The following SLC35A5 variants were observed in gnomAD, a reference collection of about 807,000 sequenced individuals.
SLC35A5 encodes UDP-sugar transporter protein SLC35A5.
SLC35A5 carries 28 observed loss-of-function variants against 36.3 expected under a neutral mutation model. That is an observed-to-expected ratio of 0.77 (90% confidence interval 0.57 to 1.06). SLC35A5 has a LOEUF of 1.06. SLC35A5 is among the 50% of genes least tolerant of loss of function. The pLI, the probability that SLC35A5 is intolerant of heterozygous loss-of-function variation, is 0.00. For missense variants in SLC35A5, 521 were observed against 499.3 expected (o/e 1.04, Z -0.41); for synonymous variants, 180 against 173.7 (o/e 1.04, Z -0.29).
chr3:112,563,539 T>A lies in SLC35A5; in HGVS notation c.130+6T>A. 1.9e-6 allele frequency: 3 copies of A among 1,596,354 alleles called. No individual in the cohort carries two copies. Among genetic ancestry groups the A allele is most frequent in the South Asian group, 1.1e-5 (1 of 89,638 alleles). ...GAAGTATTCTGCCAATGAAGGTAAG[T>A]TAAGACTTGGTATATGCATGGAGCA... On this transcript the variant is annotated splice_donor_region_variant and intron_variant, in intron 2 of 6. Coordinates refer to ENST00000492406, the MANE Select transcript of SLC35A5 (RefSeq NM_017945.5).
rs1226828246 is a variant in SLC35A5 at position 112,585,282 on chromosome 3, A to G, written c.*2546A>G. On this transcript the variant is annotated 3_prime_UTR_variant, in exon 7 of 7. Transcript: ENST00000492406. The stretch of plus-strand genomic sequence containing the variant: ...GAGAACTTACTATCATGAGAACAGC[A>G]TGGGGGAAACTGCCCCCATGATTCA... The G allele has an allele frequency of 6.6e-6, 1 of 152,132 alleles. No homozygotes were observed. Among genetic ancestry groups the G allele is most frequent in the African/African-American group, 2.4e-5 (1 of 41,440 alleles). 9.4% of individuals were successfully genotyped at this position (152,132 alleles called of 1,614,324 possible).
At chr3:112,567,775 G>T (rs576046970) in intron 2 of SLC35A5, among the ~76,000 whole-genome samples, 1 of 152,316 alleles carries the variant, frequency 6.6e-6, no homozygotes, top group East Asian at 1.9e-4. Context: ...GATCGGCCGT[G>T]AAAGGACTGC....
intron 2 of SLC35A5, among the ~76,000 whole-genome samples, chr3:112,564,581 G>A (rs1402215253): frequency 6.6e-6 from 1 of 152,094 alleles, no homozygotes; most frequent in East Asian, 1.9e-4. Context: ...CAACTGCAAA[G>A]AGGCGTTCCT....
chr3:112,564,564 C>A (rs1934104854), intron 2 of SLC35A5, among the ~76,000 whole-genome samples: 1 of 152,154 alleles, frequency 6.6e-6, no homozygotes, highest in Admixed American at 6.5e-5. Flanking sequence ...ATGCCTTCCT[C>A]TTGTCTCAAC....
chr3:112,569,411 A>G, intron 3 of SLC35A5, 142 bp downstream of exon 3: 1 of 665,806 alleles, frequency 1.5e-6, no homozygotes, highest in Middle Eastern at 3.9e-4. Context: ...TATGTTTTAG[A>G]GGTGGAGAAA....
intron 3 of SLC35A5, 94 bp downstream of exon 3, chr3:112,569,363 T>C: frequency 1.1e-6 from 1 of 912,704 alleles, no homozygotes; most frequent in Non-Finnish European, 1.7e-6. Flanking sequence ...GCTTAGTCCA[T>C]TAAATTTTAT....
chr3:112,578,768 G>A (rs998036), intron 5 of SLC35A5, among the ~76,000 whole-genome samples: 24,347 of 152,034 alleles, frequency 0.16, 4,593 homozygotes, highest in African/African-American at 0.45. Flanking sequence ...AGTGAAAAAT[G>A]TATAGCTCTA....
intron 2 of SLC35A5, among the ~76,000 whole-genome samples, chr3:112,565,382 A>C (rs1474849420): frequency 1.3e-5 from 2 of 152,214 alleles, no homozygotes; most frequent in African/African-American, 4.8e-5. Context: ...AAGGTGAACA[A>C]GGGGATTCAA....
chr3:112,576,019 C>T (rs1227856276), intron 5 of SLC35A5, among the ~76,000 whole-genome samples: 1 of 152,060 alleles, frequency 6.6e-6, no homozygotes. Context: ...CTTGGCCTCC[C>T]AAAGTGCTGG....
upstream of SLC35A5, chr3:112,561,323 A>G (rs888365882): frequency 7.9e-6 from 7 of 888,152 alleles, no homozygotes; most frequent in African/African-American, 1.7e-5. Flanking sequence ...GGGGCTGCAC[A>G]CTTCCCTGTG....
At chr3:112,562,314 A>C (rs1553740399) in intron 1 of SLC35A5, 41 bp downstream of exon 1, 1 of 152,444 alleles carries the variant, frequency 6.6e-6, no homozygotes, top group Non-Finnish European at 1.5e-5. Context: ...CCTGCGTCTG[A>C]GGGGAGGGTG....
upstream of SLC35A5, chr3:112,561,690 AG>A: frequency 1.5e-6 from 1 of 675,020 alleles, no homozygotes; most frequent in Non-Finnish European, 2.4e-6. Flanking sequence ...GGGCGGGACG[AG>A]GGGGCGGGGC....
rs1369386955 is a variant in SLC35A5 at position 112,581,449 on chromosome 3, A to T, written c.1209+123A>T. 7.1e-6 allele frequency: 7 copies of T among 983,840 alleles called. No homozygotes were observed. In the Admixed American group the frequency reaches 2.0e-4, roughly 29 times the overall value. 60.9% of individuals were successfully genotyped at this position (983,840 alleles called of 1,614,324 possible). On this transcript the variant is annotated intron_variant, in intron 6 of 6. Transcript: ENST00000492406. ...AATGTATTGGATCTCTGACTTTTAA[A>T]ACCGAATCAACAAACATTCCTTTTA... is the stretch of plus-strand genomic sequence containing the variant.
At chr3:112,574,107 A>AGT in intron 5 of SLC35A5, 151 bp downstream of exon 5, 1 of 583,662 alleles carries the variant, frequency 1.7e-6, no homozygotes, top group Non-Finnish European at 3.0e-6. Flanking sequence ...TAAGCCATGT[A>AGT]GAAAGCAGCT....
intron 5 of SLC35A5, among the ~76,000 whole-genome samples, chr3:112,579,897 T>C (rs1435113792): frequency 2.0e-5 from 3 of 152,240 alleles, no homozygotes; most frequent in Non-Finnish European, 4.4e-5. Context: ...ACATGTCCTT[T>C]ATTTCTCACA....
intron 2 of SLC35A5, among the ~76,000 whole-genome samples, chr3:112,564,613 C>T (rs989769092): frequency 1.3e-5 from 2 of 152,192 alleles, no homozygotes; most frequent in African/African-American, 4.8e-5. Context: ...TAATCCTCCT[C>T]AGCACAGACC....
chr3:112,561,323 A>C (rs888365882), upstream of SLC35A5: 2 of 888,270 alleles, frequency 2.3e-6, no homozygotes, highest in Admixed American at 2.1e-5. Flanking sequence ...GGGGCTGCAC[A>C]CTTCCCTGTG....
rs888927530 is a variant in SLC35A5, at chr3:112,582,921, A to C, written c.*185A>C. 3 of 536,834 alleles carry C rather than the reference A, an allele frequency of 5.6e-6. No homozygotes were observed. The highest frequency in any genetic ancestry group is 1.9e-5 in the African/African-American group (1 of 52,132). The allele number at this position is 536,834 out of a possible 1,614,324, so 33.3% of individuals were successfully genotyped here. ...GAGTACCCAAAGGCTAAGAAATTCT[A>C]AAGAACTGATACAGGAGTAACAATA... On this transcript the variant is annotated 3_prime_UTR_variant, in exon 7 of 7. Coordinates refer to ENST00000492406, the MANE Select transcript of SLC35A5 (RefSeq NM_017945.5).
chr3:112,573,715 G>A (rs1351586367), intron 4 of SLC35A5, among the ~76,000 whole-genome samples, 174 bp from the exon 5 acceptor site: 1 of 152,170 alleles, frequency 6.6e-6, no homozygotes, highest in African/African-American at 2.4e-5. Flanking sequence ...TCATATCTAC[G>A]TAAATTTGAC....
Sources: allele counts gnomAD v4.1 joint callset (sites outside exome capture counted in the v4.1 genomes callset), GRCh38; gene constraint gnomAD v4.1.1; transcripts MANE v1.5; gene names NCBI Gene and HGNC (gene_info 2026-07-23, HGNC 2026-07-21).